The following SEMA5A variants were observed in gnomAD, a reference collection of about 807,000 sequenced individuals.
The protein encoded by SEMA5A is semaphorin-5A.
In SEMA5A, 55 loss-of-function variants were observed where a neutral mutation model predicts 135.5. The ratio of observed to expected loss-of-function variants is 0.41; its 90% confidence interval spans 0.33 to 0.51. The LOEUF is 0.51. Ranked by LOEUF, SEMA5A falls within the 20% of genes least tolerant of loss-of-function variation. The pLI is 0.37. For missense variants in SEMA5A, 1,290 were observed against 1,419.9 expected (o/e 0.91, Z 1.47); for synonymous variants, 580 against 546.5 (o/e 1.06, Z -0.85).
chr5:9,307,678 T>A (rs1382466447), intron 5 of SEMA5A, among the ~76,000 whole-genome samples: 1 of 152,104 alleles, frequency 6.6e-6, no homozygotes, highest in Non-Finnish European at 1.5e-5. Context: ...GACATACAGA[T>A]AAGGGAAATG....
At chr5:9,118,908 G>T in intron 15 of SEMA5A, 90 bp downstream of exon 15, 1 of 1,498,946 alleles carries the variant, frequency 6.7e-7, no homozygotes, top group Non-Finnish European at 9.0e-7. Context: ...AGCTTAGGCA[G>T]ATCCAAAACT....
intron 16 of SEMA5A, among the ~76,000 whole-genome samples, chr5:9,071,525 A>G (rs77178154): frequency 0.018 from 2,774 of 152,346 alleles, 33 homozygotes; most frequent in Non-Finnish European, 0.027. Flanking sequence ...TTGATTAAGT[A>G]ACAGATAAGT....
chr5:9,450,148 G>A (rs190072301), intron 1 of SEMA5A, among the ~76,000 whole-genome samples: 10 of 152,182 alleles, frequency 6.6e-5, no homozygotes, highest in South Asian at 2.1e-4. Flanking sequence ...CCCTTGGGGC[G>A]GCTGTCTCCA....
intron 18 of SEMA5A, among the ~76,000 whole-genome samples, chr5:9,062,385 G>A (rs1329213469): frequency 1.3e-5 from 2 of 152,348 alleles, no homozygotes; most frequent in East Asian, 1.9e-4. Context: ...TCTGCTGGGA[G>A]AAGGGGTTTC....
intron 18 of SEMA5A, among the ~76,000 whole-genome samples, chr5:9,057,899 T>C (rs1332132662): frequency 6.6e-6 from 1 of 152,224 alleles, no homozygotes; most frequent in Non-Finnish European, 1.5e-5. Context: ...ATGTAGGATA[T>C]TGATTATTGT....
chr5:9,324,898 C>T (rs1752801669), intron 4 of SEMA5A, among the ~76,000 whole-genome samples: 1 of 152,200 alleles, frequency 6.6e-6, no homozygotes, highest in South Asian at 2.1e-4. Flanking sequence ...GAAATGCTAA[C>T]CAAATGTTGC....
At chr5:9,317,980 A>G (rs1333231172) in intron 5 of SEMA5A, among the ~76,000 whole-genome samples, 4 of 152,230 alleles carry the variant, frequency 2.6e-5, no homozygotes, top group Non-Finnish European at 4.4e-5. Context: ...AATATAAATT[A>G]TAAAGAGGAA....
intron 2 of SEMA5A, among the ~76,000 whole-genome samples, chr5:9,420,003 C>G (rs1757410971): frequency 6.6e-6 from 1 of 152,114 alleles, no homozygotes; most frequent in South Asian, 2.1e-4. Flanking sequence ...TACTGTTGGG[C>G]CCCTCGGTGG....
At chr5:9,060,135 C>T (rs1009224994) in intron 18 of SEMA5A, among the ~76,000 whole-genome samples, 1 of 152,212 alleles carries the variant, frequency 6.6e-6, no homozygotes, top group African/African-American at 2.4e-5. Context: ...GACTCACCCA[C>T]TGCCTAGTGC....
intron 3 of SEMA5A, among the ~76,000 whole-genome samples, chr5:9,353,826 C>T (rs556051198): frequency 6.6e-6 from 1 of 152,022 alleles, no homozygotes; most frequent in Non-Finnish European, 1.5e-5. Flanking sequence ...AAAAGCAAAC[C>T]TTCTGGAATT....
chr5:9,529,370 G>C (rs1737320682), intron 1 of SEMA5A, among the ~76,000 whole-genome samples: 1 of 152,214 alleles, frequency 6.6e-6, no homozygotes, highest in African/African-American at 2.4e-5. Context: ...CAGCCCTCGT[G>C]GGCAGCCTGC....
Position 9,198,085 on chromosome 5 carries a change from C to T in SEMA5A, c.933-782G>A, listed in dbSNP as rs534931177. Among the ~76,000 whole-genome samples the T allele has an allele frequency of 2.0e-4, 31 of 152,090 alleles. 1 individual carries two copies. The South Asian group carries it at 5.8e-3, about 29-fold the overall frequency. Reference sequence around the variant, plus strand: ...GTAAATTTGCATTTTGAGCTCAGTCCGGGTTCTCAAAGGGGAAGTGGAGAT... The same window carrying T: ...GTAAATTTGCATTTTGAGCTCAGTCTGGGTTCTCAAAGGGGAAGTGGAGAT... On this transcript the variant is annotated intron_variant, in intron 9 of 22. Coordinates refer to ENST00000382496, the MANE Select transcript of SEMA5A (RefSeq NM_003966.3).
At chr5:9,053,327 G>A (rs1172545212) in intron 19 of SEMA5A, among the ~76,000 whole-genome samples, 4 of 152,192 alleles carry the variant, frequency 2.6e-5, no homozygotes, top group Admixed American at 2.6e-4. Flanking sequence ...TCTCCACCCT[G>A]ATTTTCAACA....
chr5:9,534,540 G>GGGCA (rs1392973801), intron 1 of SEMA5A, among the ~76,000 whole-genome samples: 1 of 152,064 alleles, frequency 6.6e-6, no homozygotes, highest in Non-Finnish European at 1.5e-5. Flanking sequence ...CCACTCTGAG[G>GGGCA]GGCAAGCCAG....
At chr5:9,403,484 C>T (rs1756751467) in intron 2 of SEMA5A, among the ~76,000 whole-genome samples, 1 of 152,164 alleles carries the variant, frequency 6.6e-6, no homozygotes, top group Admixed American at 6.5e-5. Context: ...CGAGTTATTT[C>T]ACCTCACTAA....
In SEMA5A at chr5:9,118,925, G is replaced by T; in HGVS notation, c.1925+73C>A. ...CTTAGGCAGATCCAAAACTAAAACC[G>T]CGGGGAACTCGACCTGGCCGGAATG... On this transcript the variant is annotated intron_variant, in intron 15 of 22. Transcript: ENST00000382496. 5.8e-6 allele frequency: 9 copies of T among 1,556,714 alleles called. No individual in the cohort carries two copies. The South Asian group carries it at 9.5e-5, about 16-fold the overall frequency.
chr5:9,136,410 G>T, intron 13 of SEMA5A, 94 bp downstream of exon 13: 1 of 1,045,070 alleles, frequency 9.6e-7, no homozygotes. Flanking sequence ...CATATGAAAA[G>T]GTGCAGACAG....
At chr5:9,381,521 G>T (rs1277291690) in intron 2 of SEMA5A, among the ~76,000 whole-genome samples, 3 of 152,162 alleles carry the variant, frequency 2.0e-5, no homozygotes, top group Admixed American at 6.5e-5. Flanking sequence ...TAAAAGCCTG[G>T]CAGTTGCTAC....
At chr5:9,141,430 T>C (rs1742058964) in intron 12 of SEMA5A, among the ~76,000 whole-genome samples, 1 of 152,242 alleles carries the variant, frequency 6.6e-6, no homozygotes, top group Non-Finnish European at 1.5e-5. Flanking sequence ...TCAAATATAA[T>C]TATCAACATT....
Sources: allele counts gnomAD v4.1 joint callset (sites outside exome capture counted in the v4.1 genomes callset), GRCh38; gene constraint gnomAD v4.1.1; transcripts MANE v1.5; gene names NCBI Gene and HGNC (gene_info 2026-07-23, HGNC 2026-07-21).